The following SEC23IP variants were observed in gnomAD, a reference collection of about 807,000 sequenced individuals.
SEC23IP encodes SEC23-interacting protein.
In SEC23IP, 70 loss-of-function variants were observed where a neutral mutation model predicts 113.4. The observed-to-expected ratio is 0.62, with a 90% confidence interval of 0.51 to 0.75. The LOEUF (loss-of-function observed/expected upper bound fraction) is 0.75. Ranked by LOEUF, SEC23IP falls within the 30% of genes least tolerant of loss-of-function variation. The probability of loss-of-function intolerance (pLI) is 0.00; values close to 1 mark genes in which losing one functional copy is unlikely to be tolerated. For synonymous variants in SEC23IP, 398 were observed against 421.0 expected (o/e 0.95, Z 0.67); for missense variants, 1,160 against 1,204.9 (o/e 0.96, Z 0.55).
At position 119,940,943 on chromosome 10, in the gene SEC23IP, G is replaced by A. The variant is rs1855946344; in HGVS notation, c.*378G>A. The A allele has an allele frequency of 6.6e-6, 1 of 152,124 alleles. No individual in the cohort carries two copies. The highest frequency in any genetic ancestry group is 2.1e-4 in the South Asian group (1 of 4,826). The allele number at this position is 152,124 out of a possible 1,614,324, so 9.4% of individuals were successfully genotyped here. Reference sequence around the variant, plus strand: ...GTTTCTTAAAAAGTATTGTTAGTGGGCTATTAAACTTGGATTTTTCTTTTT... The same window carrying A: ...GTTTCTTAAAAAGTATTGTTAGTGGACTATTAAACTTGGATTTTTCTTTTT... On this transcript the variant is annotated 3_prime_UTR_variant, in exon 19 of 19. Coordinates refer to ENST00000369075, the MANE Select transcript of SEC23IP (RefSeq NM_007190.4).
intron 17 of SEC23IP, 95 bp downstream of exon 17, chr10:119,933,262 T>A: frequency 1.0e-6 from 1 of 981,736 alleles, no homozygotes; most frequent in Non-Finnish European, 1.6e-6. Context: ...ACTGATACAA[T>A]GTACTATGAA....
rs756452095 is a variant in SEC23IP at position 119,943,996 on chromosome 10, C to T, written c.*3431C>T. On this transcript the variant is annotated 3_prime_UTR_variant, in exon 19 of 19. Coordinates refer to ENST00000369075, the MANE Select transcript of SEC23IP (RefSeq NM_007190.4). ...TTACTATGGAATTTTCACAAATACT[C>T]AAAAGTATGGAGAATGGTACAGTGA... The T allele has an allele frequency of 6.6e-6, 1 of 152,158 alleles. No individual in the cohort carries two copies. Among genetic ancestry groups the T allele is most frequent in the Non-Finnish European group, 1.5e-5 (1 of 68,034 alleles). 9.4% of individuals were successfully genotyped at this position (152,158 alleles called of 1,614,324 possible).
intron 6 of SEC23IP, among the ~76,000 whole-genome samples, chr10:119,913,850 C>T (rs1854957249): frequency 6.6e-6 from 1 of 151,526 alleles, no homozygotes; most frequent in Admixed American, 6.6e-5. Context: ...TCGTCAAAAA[C>T]TTTATTTATA....
chr10:119,907,297 A>G (rs533811022), intron 4 of SEC23IP, among the ~76,000 whole-genome samples: 9 of 150,032 alleles, frequency 6.0e-5, no homozygotes, highest in Non-Finnish European at 1.2e-4. Flanking sequence ...CTCCATCTCA[A>G]AAAAAAAAAG....
In SEC23IP at chr10:119,920,972, A is replaced by G. The variant is rs755161181; in HGVS notation, c.2109A>G (p.Lys703=). 5 of 1,612,960 alleles carry G rather than the reference A, an allele frequency of 3.1e-6. 1 individual carries two copies. The South Asian group carries it at 5.5e-5, about 18-fold the overall frequency. Residue 703 remains lysine (K), a synonymous_variant, in exon 12 of 19, where the codon AAA becomes AAG. Transcript: ENST00000369075. ...RKKIANFVEH[K]AAKLKKAASE... is the part of the protein sequence containing the mutation. ...AGATAGCTAACTTTGTAGAACATAAAGCAGCCAAACTGGTAAAGTTCACCT... is the reference window on the plus strand; with the variant it reads ...AGATAGCTAACTTTGTAGAACATAAGGCAGCCAAACTGGTAAAGTTCACCT...
chr10:119,937,620 C>T (rs1023803062), intron 18 of SEC23IP, among the ~76,000 whole-genome samples: 18 of 148,822 alleles, frequency 1.2e-4, no homozygotes, highest in East Asian at 3.9e-4. Flanking sequence ...AGCGAGACTC[C>T]GTCTAAAAAA....
intron 12 of SEC23IP, 106 bp from the exon 13 acceptor site, chr10:119,925,930 A>G: frequency 1.1e-6 from 1 of 878,624 alleles, no homozygotes. Flanking sequence ...ACTATTCCTA[A>G]GAAGTAGCTA....
At chr10:119,905,254 TAAAG>T (rs1330255598) in intron 4 of SEC23IP, among the ~76,000 whole-genome samples, 1 of 152,044 alleles carries the variant, frequency 6.6e-6, no homozygotes, top group Non-Finnish European at 1.5e-5. Flanking sequence ...AATAAACAAA[TAAAG>T]ATATATTGTA....
rs748199768 is a variant in SEC23IP, at chr10:119,898,004, C to CA, written c.164-414dup. ...TGGGCGACAGAGCGAGACGCCGTCT[C>CA]AAAAAAAAATAAAAAAAAAAAAATA... On this transcript the variant is annotated intron_variant, in intron 1 of 18. Transcript: ENST00000369075. 5.6e-4 allele frequency among the ~76,000 whole-genome samples: 61 copies of CA among 108,644 alleles called. 1 individual carries two copies. The highest frequency in any genetic ancestry group is 9.7e-4 in the Non-Finnish European group (50 of 51,322). The allele number at this position is 108,644 out of a possible 152,430, so 71.3% of individuals were successfully genotyped here. A position where few individuals can be genotyped will look rare whatever the true frequency, so the allele number is the denominator to read the frequency against.
intron 1 of SEC23IP, 53 bp from the exon 2 acceptor site, chr10:119,898,374 C>T (rs1285260475): frequency 1.3e-6 from 2 of 1,518,788 alleles, no homozygotes; most frequent in Admixed American, 4.4e-5. Flanking sequence ...AGAATCGTAT[C>T]TGCGGAGTGA....
At chr10:119,935,008 G>T (rs1002469796) in intron 18 of SEC23IP, among the ~76,000 whole-genome samples, 1 of 152,106 alleles carries the variant, frequency 6.6e-6, no homozygotes. Context: ...GTGGTGGCGG[G>T]TGCCTGTAGT....
chr10:119,936,430 C>T (rs1456643965), intron 18 of SEC23IP, among the ~76,000 whole-genome samples: 1 of 151,006 alleles, frequency 6.6e-6, no homozygotes, highest in Non-Finnish European at 1.5e-5. Context: ...GTGATCTCAC[C>T]TACTTGGGAG....
chr10:119,920,863 A>G (rs780391735), intron 11 of SEC23IP, 26 bp from the exon 12 acceptor site: 9 of 1,440,380 alleles, frequency 6.2e-6, no homozygotes, highest in Middle Eastern at 3.5e-4. Context: ...AGATTGATTA[A>G]TGTGCTTGTC....
intron 6 of SEC23IP, 76 bp from the exon 7 acceptor site, chr10:119,914,654 T>C: frequency 8.8e-7 from 1 of 1,135,320 alleles, no homozygotes; most frequent in Non-Finnish European, 1.3e-6. Flanking sequence ...ACGAAAGGGA[T>C]ATCTAGAATA....
chr10:119,913,926 T>C (rs976243061), intron 6 of SEC23IP, among the ~76,000 whole-genome samples: 2 of 151,772 alleles, frequency 1.3e-5, no homozygotes, highest in Non-Finnish European at 2.9e-5. Context: ...CCGAGGCAAG[T>C]GGATCACCTG....
chr10:119,922,598 T>C (rs1345816005), intron 12 of SEC23IP, among the ~76,000 whole-genome samples: 1 of 152,098 alleles, frequency 6.6e-6, no homozygotes, highest in Non-Finnish European at 1.5e-5. Context: ...CAATCTTACA[T>C]AGTAGTAATT....
chr10:119,898,189 C>A, intron 1 of SEC23IP: 1 of 603,692 alleles, frequency 1.7e-6, no homozygotes, highest in Non-Finnish European at 2.4e-6. Context: ...GGCAGGTGGG[C>A]TTATGAATGA....
intron 12 of SEC23IP, among the ~76,000 whole-genome samples, chr10:119,924,994 C>T (rs1855374126): frequency 6.6e-6 from 1 of 152,026 alleles, no homozygotes. Flanking sequence ...TCAGGTTGGT[C>T]TTGAACCCCT....
intron 12 of SEC23IP, among the ~76,000 whole-genome samples, chr10:119,921,526 T>C (rs984011568): frequency 2.6e-5 from 4 of 152,212 alleles, no homozygotes; most frequent in African/African-American, 9.6e-5. Flanking sequence ...GGAGTAAGCA[T>C]GAAATAATGC....
Sources: gnomAD v4.1 joint callset for allele counts (sites outside exome capture counted in the v4.1 genomes callset) on GRCh38, gnomAD v4.1.1 for gene constraint, MANE v1.5 for transcripts, NCBI Gene and HGNC (gene_info 2026-07-23, HGNC 2026-07-21) for gene names.